CYFIP2: variants seen among roughly 807,000 people sequenced by gnomAD.
CYFIP2 encodes the protein cytoplasmic FMR1 interacting protein 2.
CYFIP2 carries 29 observed loss-of-function variants against 158.7 expected under a neutral mutation model. The observed-to-expected ratio is 0.18, with a 90% confidence interval of 0.14 to 0.25. The LOEUF (loss-of-function observed/expected upper bound fraction) is 0.25. Ranked by LOEUF, CYFIP2 falls within the 10% of genes least tolerant of loss-of-function variation. The pLI, the probability that CYFIP2 is intolerant of heterozygous loss-of-function variation, is 1.00. For synonymous variants in CYFIP2, 585 were observed against 617.6 expected, an observed-to-expected ratio of 0.95 and a Z score of 0.78; for missense variants, 852 against 1,639.5, an observed-to-expected ratio of 0.52 and a Z score of 8.29.
At chr5:157,292,734 A>G (rs541901096) in intron 3 of CYFIP2, among the ~76,000 whole-genome samples, 35 of 152,176 alleles carry the variant, frequency 2.3e-4, no homozygotes, top group African/African-American at 6.0e-4. Flanking sequence ...GTGTGGACAT[A>G]TGTTTTCAGT....
At chr5:157,358,324 A>G (rs1763560520) in intron 23 of CYFIP2, among the ~76,000 whole-genome samples, 1 of 152,232 alleles carries the variant, frequency 6.6e-6, no homozygotes, top group Non-Finnish European at 1.5e-5. Flanking sequence ...CCCAGCCAGC[A>G]TCAAGCCAGA....
At chr5:157,285,212 G>T in intron 1 of CYFIP2, 127 bp from the exon 2 acceptor site, 1 of 626,094 alleles carries the variant, frequency 1.6e-6, no homozygotes. Context: ...AAGAAGTGGT[G>T]AGTGGAAGTG....
At chr5:157,330,169 C>G (rs892443039) in intron 19 of CYFIP2, among the ~76,000 whole-genome samples, 14 of 151,998 alleles carry the variant, frequency 9.2e-5, no homozygotes, top group African/African-American at 2.4e-4. Context: ...AAGCACTTCT[C>G]CTCTGCAATC....
intron 30 of CYFIP2, among the ~76,000 whole-genome samples, chr5:157,391,433 C>G (rs541896872): frequency 6.6e-6 from 1 of 152,306 alleles, no homozygotes; most frequent in East Asian, 1.9e-4. Flanking sequence ...ACTCCGGGCC[C>G]ATTAAAAAAT....
rs370925028 is a variant in CYFIP2 at position 157,320,809 on chromosome 5, G to A, written c.1671+7G>A. The A allele has an allele frequency of 2.8e-5, 44 of 1,565,402 alleles. No homozygotes were observed. Among genetic ancestry groups the A allele is most frequent in the Non-Finnish European group, 3.4e-5 (39 of 1,156,908 alleles). ...GGGGCCATCCAGCACACAGGTAAGC[G>A]GCTCCAGGCACAGGCCAGCTGCGTT... is the stretch of plus-strand genomic sequence containing the variant. On this transcript the variant is annotated splice_region_variant and intron_variant, in intron 15 of 30. Transcript: ENST00000620254.
At chr5:157,339,000 A>T in intron 21 of CYFIP2, 57 bp from the exon 22 acceptor site, 3 of 1,501,932 alleles carry the variant, frequency 2.0e-6, no homozygotes, top group Non-Finnish European at 2.7e-6. Context: ...GATAAAACAC[A>T]CACATGTAAT....
At chr5:157,364,204 C>A (rs9686530) in intron 26 of CYFIP2, 3 of 38,306 alleles carry the variant, frequency 7.8e-5, no homozygotes, top group African/African-American at 3.0e-4. Context: ...GGCGGGGTGG[C>A]GGGGGGGGGT....
chr5:157,328,667 C>A (rs146146435), intron 19 of CYFIP2, among the ~76,000 whole-genome samples: 2 of 152,202 alleles, frequency 1.3e-5, no homozygotes, highest in South Asian at 2.1e-4. Flanking sequence ...CTGTTTCTCC[C>A]GGGAGTGGAA....
At chr5:157,305,207 A>G (rs419652) in intron 8 of CYFIP2, among the ~76,000 whole-genome samples, 98,199 of 152,062 alleles carry the variant, frequency 0.65, 33,392 homozygotes, top group Admixed American at 0.79. Flanking sequence ...TTGTGCTGCT[A>G]TAAACATGTG....
rs569847268 is a variant in CYFIP2, at chr5:157,266,407, C to G, written c.-24+212C>G. On this transcript the variant is annotated intron_variant, in intron 1 of 30. Transcript: ENST00000620254. This position sits in a 1 kb window ranked among gnomAD's most constrained non-coding sequence, Gnocchi z 4.2. Reference sequence around the variant, plus strand: ...CACCGTGCGTCCCGCGGCACGGACCCTCTGCCCGGGAGGCGCGGGCACATC... The same window carrying G: ...CACCGTGCGTCCCGCGGCACGGACCGTCTGCCCGGGAGGCGCGGGCACATC... 1.0e-3 allele frequency: 156 copies of G among 152,030 alleles called. No individual in the cohort carries two copies. The highest frequency in any genetic ancestry group is 3.6e-3 in the African/African-American group (150 of 41,530). The allele number at this position is 152,030 out of a possible 1,614,324, so 9.4% of individuals were successfully genotyped here.
At chr5:157,342,868 C>G (rs759622473) in intron 23 of CYFIP2, 1 of 1,610,004 alleles carries the variant, frequency 6.2e-7, no homozygotes, top group East Asian at 2.2e-5. Flanking sequence ...ACTCTCATTC[C>G]CCACAATGAG....
intron 8 of CYFIP2, 67 bp from the exon 9 acceptor site, chr5:157,307,694 C>G: frequency 1.2e-6 from 1 of 846,114 alleles, no homozygotes; most frequent in Non-Finnish European, 1.9e-6. Flanking sequence ...ACAGACCTAC[C>G]TTTTTGTTTT....
chr5:157,390,700 T>G (rs1438199798), intron 30 of CYFIP2, 32 bp downstream of exon 30: 1 of 1,569,952 alleles, frequency 6.4e-7, no homozygotes, highest in African/African-American at 1.4e-5. Context: ...GCCTGGGAGG[T>G]GGGGCTGGGC....
chr5:157,353,589 C>T (rs908227233), intron 23 of CYFIP2, among the ~76,000 whole-genome samples: 1 of 152,190 alleles, frequency 6.6e-6, no homozygotes, highest in Non-Finnish European at 1.5e-5. Flanking sequence ...GATCCTGGAA[C>T]TGAGAATTGA....
At chr5:157,306,928 A>T (rs138899814) in intron 8 of CYFIP2, among the ~76,000 whole-genome samples, 122 of 149,166 alleles carry the variant, frequency 8.2e-4, no homozygotes, top group African/African-American at 2.8e-3. Context: ...GCACCCACAG[A>T]GGAAGCAACC....
At chr5:157,390,500 G>C (rs2113557825) in intron 29 of CYFIP2, 21 bp from the exon 30 acceptor site, 3 of 1,542,596 alleles carry the variant, frequency 1.9e-6, no homozygotes, top group East Asian at 4.9e-5. Context: ...CACTCCAGCT[G>C]CTTCCTCCCC....
intron 1 of CYFIP2, among the ~76,000 whole-genome samples, chr5:157,274,795 C>A (rs2113814506): frequency 6.6e-6 from 1 of 152,304 alleles, no homozygotes; most frequent in South Asian, 2.1e-4. Flanking sequence ...ATTTGCATTT[C>A]CCTAATAACT....
rs564117487 is a variant in CYFIP2, at chr5:157,362,243, A to AT, written c.3039+645_3039+646insT. Among the ~76,000 whole-genome samples the AT allele has an allele frequency of 9.2e-5, 14 of 152,284 alleles. No individual in the cohort carries two copies. The East Asian group carries it at 2.7e-3, about 29-fold the overall frequency. ...TATGGCTTCTTCCAGGCCTCCTAAG[A>AT]ATAAGTTTAGAACAAAGAACTGGAA... On this transcript the variant is annotated intron_variant, in intron 26 of 30. Transcript: ENST00000620254.
At chr5:157,288,460 T>C (rs1757566541) in intron 3 of CYFIP2, among the ~76,000 whole-genome samples, 1 of 152,184 alleles carries the variant, frequency 6.6e-6, no homozygotes, top group African/African-American at 2.4e-5. Flanking sequence ...CCCTGCTCAT[T>C]CATTCAATAA....
Sources: allele counts gnomAD v4.1 joint callset (sites outside exome capture counted in the v4.1 genomes callset), GRCh38; gene constraint gnomAD v4.1.1; non-coding constraint Gnocchi (gnomAD v3.1); transcripts MANE v1.5; gene names NCBI Gene and HGNC (gene_info 2026-07-23, HGNC 2026-07-21).